The following ELAVL3 variants were observed in gnomAD, a reference collection of about 807,000 sequenced individuals.
ELAVL3 encodes the protein ELAV-like protein 3.
In ELAVL3, 8 loss-of-function variants were observed where a neutral mutation model predicts 34.2. The observed-to-expected ratio is 0.23, with a 90% CI of 0.14 to 0.42. ELAVL3 has a LOEUF of 0.42. Ranked by LOEUF, ELAVL3 falls within the 10% of genes least tolerant of loss-of-function variation. ELAVL3 has a pLI of 1.00. For synonymous variants in ELAVL3, 209 were observed against 222.1 expected (o/e 0.94, Z 0.53); for missense variants, 273 against 518.8 (o/e 0.53, Z 4.60).
In ELAVL3 at chr19:11,466,538, C is replaced by A. The variant is rs898886436; in HGVS notation, c.229+70G>T. The A allele has an allele frequency of 2.4e-5, 37 of 1,560,622 alleles. No individual in the cohort carries two copies. The highest frequency in any genetic ancestry group is 5.0e-5 in the Admixed American group (3 of 59,492). On this transcript the variant is annotated intron_variant, in intron 2 of 6. Coordinates refer to ENST00000359227, the MANE Select transcript of ELAVL3 (RefSeq NM_001420.4). The surrounding 1 kb of genome is among the most constrained non-coding windows in gnomAD (Gnocchi z 5.0). Reference sequence around the variant, plus strand: ...CCGAGACACCTCAGCAAGGGTCCCACCTGCCCCCATCACCTCTGTATTTCT... The same window carrying A: ...CCGAGACACCTCAGCAAGGGTCCCAACTGCCCCCATCACCTCTGTATTTCT...
intron 3 of ELAVL3, among the ~76,000 whole-genome samples, chr19:11,464,131 C>CTGTCTCTCTCTG (rs1358994514): frequency 9.9e-6 from 1 of 101,162 alleles, no homozygotes; most frequent in African/African-American, 5.3e-5. Flanking sequence ...CTGTCTCTCT[C>CTGTCTCTCTCTG]TCTCTCTCTC....
intron 1 of ELAVL3, among the ~76,000 whole-genome samples, chr19:11,472,749 G>A (rs1319513473): frequency 6.6e-6 from 1 of 151,648 alleles, no homozygotes; most frequent in East Asian, 1.9e-4. Context: ...GAGGGAGAAC[G>A]AGAAGGAGAA....
intron 1 of ELAVL3, among the ~76,000 whole-genome samples, chr19:11,470,079 G>T (rs1260368848): frequency 1.3e-5 from 2 of 152,014 alleles, no homozygotes; most frequent in Non-Finnish European, 2.9e-5. Flanking sequence ...ATAAAGCTGG[G>T]GGCAGTGGCT....
chr19:11,457,658 G>C (rs571973474), intron 5 of ELAVL3, among the ~76,000 whole-genome samples: 12 of 152,168 alleles, frequency 7.9e-5, no homozygotes, highest in Non-Finnish European at 1.8e-4. Context: ...CAGGGTCCCC[G>C]TCCATAAAAC....
At chr19:11,470,849 TCTTTTC>T (rs1435189189) in intron 1 of ELAVL3, among the ~76,000 whole-genome samples, 1 of 152,144 alleles carries the variant, frequency 6.6e-6, no homozygotes, top group Non-Finnish European at 1.5e-5. Flanking sequence ...TCTACAATTT[TCTTTTC>T]TTTTTTTAGA....
chr19:11,459,618 A>G (rs901697313), intron 3 of ELAVL3, among the ~76,000 whole-genome samples: 3 of 113,192 alleles, frequency 2.7e-5, no homozygotes, highest in African/African-American at 1.4e-4. Context: ...TCACTGTGTT[A>G]CCTAGGCTGG....
Position 11,454,183 on chromosome 19 carries a change from T to G in ELAVL3, c.*343A>C. Reference sequence around the variant, plus strand: ...GCCCCCCAAGCCATCCCATCGGGGGTGGTCGAGGGTGGGGGTGGGGGCACA... The same window carrying G: ...GCCCCCCAAGCCATCCCATCGGGGGGGGTCGAGGGTGGGGGTGGGGGCACA... On this transcript the variant is annotated 3_prime_UTR_variant, in exon 7 of 7. Coordinates refer to ENST00000359227, the MANE Select transcript of ELAVL3 (RefSeq NM_001420.4). The surrounding 1 kb of genome is among the most constrained non-coding windows in gnomAD (Gnocchi z 9.2). The G allele has an allele frequency of 9.3e-6, 2 of 214,300 alleles. No individual in the cohort carries two copies. The highest frequency in any genetic ancestry group is 5.3e-5 in the Admixed American group (1 of 18,894). The allele number at this position is 214,300 out of a possible 1,614,324, so 13.3% of individuals were successfully genotyped here.
In ELAVL3 at chr19:11,470,618, G is replaced by A. The variant is rs531626393; in HGVS notation, c.10-3791C>T. Among the ~76,000 whole-genome samples, 21 of 152,036 alleles carry A rather than the reference G, an allele frequency of 1.4e-4. 1 individual carries two copies. Among genetic ancestry groups the A allele is most frequent in the Middle Eastern group, 3.4e-3 (1 of 294 alleles). On this transcript the variant is annotated intron_variant, in intron 1 of 6. Transcript: ENST00000359227. ...CTTGAACCTGGGAGGCGGGGGTTGC[G>A]GTAGCTGAGATCCCACCATTGCACT...
At position 11,454,787 on chromosome 19, in the gene ELAVL3, GCCCGCCGCGCCC is replaced by G; in HGVS notation, c.831_842del (p.Gly278_Gly281del). 6.2e-7 allele frequency: 1 copy of G among 1,612,324 alleles called. No homozygotes were observed. Among genetic ancestry groups the G allele is most frequent in the Non-Finnish European group, 8.5e-7 (1 of 1,179,754 alleles). Reference sequence around the variant, plus strand: ...TGTACACGAAGATGCACCAGCCGGCGCCCGCCGCGCCCCCCGACAGGCCCACGCCCGCCAGGC... The same window carrying G: ...TGTACACGAAGATGCACCAGCCGGCGCCCGACAGGCCCACGCCCGCCAGGC... On this transcript the variant is annotated inframe_deletion, in exon 7 of 7. Transcript: ENST00000359227. This position sits in a 1 kb window ranked among gnomAD's most constrained non-coding sequence, Gnocchi z 9.2.
At position 11,466,459 on chromosome 19, in the gene ELAVL3, C is replaced by A; in HGVS notation, c.229+149G>T. 9.9e-7 allele frequency: 1 copy of A among 1,008,722 alleles called. No homozygotes were observed. Among genetic ancestry groups the A allele is most frequent in the Non-Finnish European group, 1.5e-6 (1 of 669,718 alleles). The allele number at this position is 1,008,722 out of a possible 1,614,324, so 62.5% of individuals were successfully genotyped here. A position where few individuals can be genotyped will look rare whatever the true frequency, so the allele number is the denominator to read the frequency against. On this transcript the variant is annotated intron_variant, in intron 2 of 6. Transcript: ENST00000359227. This position sits in a 1 kb window ranked among gnomAD's most constrained non-coding sequence, Gnocchi z 5.0. ...CTGAGACCTTCACCTAGGGGGTATA[C>A]CCATCTCCCCATCAGACCTCACATC...
chr19:11,456,925 G>A (rs77543643), intron 6 of ELAVL3, among the ~76,000 whole-genome samples, 185 bp downstream of exon 6: 5,764 of 152,106 alleles, frequency 0.038, 255 homozygotes, highest in African/African-American at 0.11. Flanking sequence ...TCAGCCTCCC[G>A]AAACACTGGG....
rs1049833660 is a variant in ELAVL3 at position 11,454,408 on chromosome 19, C to T, written c.*118G>A. On this transcript the variant is annotated 3_prime_UTR_variant, in exon 7 of 7. Coordinates refer to ENST00000359227, the MANE Select transcript of ELAVL3 (RefSeq NM_001420.4). The surrounding 1 kb of genome is among the most constrained non-coding windows in gnomAD (Gnocchi z 9.2). The stretch of plus-strand genomic sequence containing the variant: ...CTTCCGCAGGGACGTGGGGCCCTCG[C>T]GTCGTCCGTGGGGCTGCCTGTGCTG... 5.8e-6 allele frequency: 6 copies of T among 1,036,232 alleles called. No homozygotes were observed. The highest frequency in any genetic ancestry group is 5.5e-5 in the Admixed American group (2 of 36,290). 64.2% of individuals were successfully genotyped at this position (1,036,232 alleles called of 1,614,324 possible). A position where few individuals can be genotyped will look rare whatever the true frequency, so the allele number is the denominator to read the frequency against.
At chr19:11,467,117 G>A (rs1401858415) in intron 1 of ELAVL3, among the ~76,000 whole-genome samples, 1 of 152,066 alleles carries the variant, frequency 6.6e-6, no homozygotes, top group Non-Finnish European at 1.5e-5. Flanking sequence ...AATAAAAAAC[G>A]CTTTCACACC....
Position 11,454,469 on chromosome 19 carries a change from T to G in ELAVL3, c.*57A>C, listed in dbSNP as rs1350817219. The G allele has an allele frequency of 4.2e-6, 5 of 1,187,454 alleles. No homozygotes were observed. Among genetic ancestry groups the G allele is most frequent in the Non-Finnish European group, 5.7e-6 (5 of 880,194 alleles). The allele number at this position is 1,187,454 out of a possible 1,614,324, so 73.6% of individuals were successfully genotyped here. ...GCCCCTTCTCTCTCTCTCTCTCTCT[T>G]TCTCTCTCTCTCTCTCTGCTGCCCG... On this transcript the variant is annotated 3_prime_UTR_variant, in exon 7 of 7. Coordinates refer to ENST00000359227, the MANE Select transcript of ELAVL3 (RefSeq NM_001420.4). The surrounding 1 kb of genome is among the most constrained non-coding windows in gnomAD (Gnocchi z 9.2).
In ELAVL3 at chr19:11,458,135, C is replaced by T. The variant is rs369079979; in HGVS notation, c.639G>A (p.Ala213=). The change falls in exon 5 of 7, where the codon GCG becomes GCA. Residue 213 remains alanine (A), a synonymous_variant. Transcript: ENST00000359227. The surrounding 1 kb of genome is among the most constrained non-coding windows in gnomAD (Gnocchi z 7.3). Reference sequence around the variant, plus strand: ...ATGACTGGTAGAGGTGGGTGAGCAGCGCCTGCCCCGTCTTCTGACTTGGGT... The same window carrying T: ...ATGACTGGTAGAGGTGGGTGAGCAGTGCCTGCCCCGTCTTCTGACTTGGGT... ...ANNPSQKTGQ[A]LLTHLYQSSA... 15 of 1,614,080 alleles carry T rather than the reference C, an allele frequency of 9.3e-6. No individual in the cohort carries two copies. The highest frequency in any genetic ancestry group is 1.6e-4 in the Middle Eastern group (1 of 6,062).
Position 11,466,232 on chromosome 19 carries a change from A to G in ELAVL3, c.273T>C (p.Asn91=). 2 of 1,613,808 alleles carry G rather than the reference A, an allele frequency of 1.2e-6. No homozygotes were observed. Among genetic ancestry groups the G allele is most frequent in the Admixed American group, 1.7e-5 (1 of 59,988 alleles). The stretch of plus-strand genomic sequence containing the variant: ...GGGTGTTGATGGCTTTGTCTGCATC[A>G]TTGGGGTCAGAATAGTTCACAAACC... ...GYGFVNYSDP[N]DADKAINTLN... Residue 91 remains asparagine, a synonymous_variant, in exon 3 of 7, where the codon AAT becomes AAC. Transcript: ENST00000359227. This position sits in a 1 kb window ranked among gnomAD's most constrained non-coding sequence, Gnocchi z 5.0.
rs1027735326 is a variant in ELAVL3 at position 11,451,799 on chromosome 19, G to C, written c.*2727C>G. The C allele has an allele frequency of 6.8e-6, 1 of 146,276 alleles. No homozygotes were observed. Among genetic ancestry groups the C allele is most frequent in the East Asian group, 2.0e-4 (1 of 5,106 alleles). The allele number at this position is 146,276 out of a possible 1,614,324, so 9.1% of individuals were successfully genotyped here. A position where few individuals can be genotyped will look rare whatever the true frequency, so the allele number is the denominator to read the frequency against. On this transcript the variant is annotated 3_prime_UTR_variant, in exon 7 of 7. Transcript: ENST00000359227. ...TGGGGGTGGCAGGGGCCTAGGCCTC[G>C]GTGGGGGGGGGGTGTGTGGGGAGGT...
Position 11,451,550 on chromosome 19 carries a change from G to A in ELAVL3, c.*2976C>T, listed in dbSNP as rs1477193058. On this transcript the variant is annotated 3_prime_UTR_variant, in exon 7 of 7. Transcript: ENST00000359227. ...TATCACCTCCAACATGGACTCTGTC[G>A]TGATTTGAAACCTTCCGAATAAATA... 1 of 126,720 alleles carries A rather than the reference G, an allele frequency of 7.9e-6. No homozygotes were observed. The highest frequency in any genetic ancestry group is 3.1e-5 in the African/African-American group (1 of 32,196). The allele number at this position is 126,720 out of a possible 1,614,324, so 7.8% of individuals were successfully genotyped here. A position where few individuals can be genotyped will look rare whatever the true frequency, so the allele number is the denominator to read the frequency against.
rs534439072 is a variant in ELAVL3 at position 11,466,653 on chromosome 19, T to C, written c.184A>G (p.Ile62Val). 6.2e-6 allele frequency: 10 copies of C among 1,614,206 alleles called. No homozygotes were observed. The South Asian group carries it at 7.7e-5, about 12-fold the overall frequency. The change falls in exon 2 of 7, where the codon ATT becomes GTT. Residue 62 changes from isoleucine to valine, a missense_variant. By Grantham distance (29) the Ile-to-Val change is conservative. Around this residue, in one of 4 missense-constraint regions of ELAVL3, gnomAD observed 102 missense variants for 250.1 expected, o/e 0.41. Transcript: ENST00000359227. The surrounding 1 kb of genome is among the most constrained non-coding windows in gnomAD (Gnocchi z 5.0). Reference sequence around the variant, plus strand: ...AACTTGCAGGACTCGATGTCGCCAATGCTGCCGAAGAGACTCTTGAACTCA... The same window carrying C: ...AACTTGCAGGACTCGATGTCGCCAACGCTGCCGAAGAGACTCTTGAACTCA... Reference protein sequence around the residue: ...QDEFKSLFGSIGDIESCKLVR... With the variant: ...QDEFKSLFGSVGDIESCKLVR...
Sources: allele counts gnomAD v4.1 joint callset (sites outside exome capture counted in the v4.1 genomes callset), GRCh38; gene constraint gnomAD v4.1.1; regional missense constraint gnomAD v4.1.1; non-coding constraint Gnocchi (gnomAD v3.1); transcripts MANE v1.5; gene names NCBI Gene and HGNC (gene_info 2026-07-23, HGNC 2026-07-21).